The following CCNY variants were observed in gnomAD, a reference collection of about 807,000 sequenced individuals.
CCNY encodes the protein cyclin Y, also known as cyclin-Y.
In CCNY, 19 loss-of-function variants were observed where a neutral mutation model predicts 42.8. That is an observed-to-expected ratio of 0.44 (90% confidence interval 0.31 to 0.65). CCNY has a LOEUF of 0.65. CCNY is among the 30% of genes least tolerant of loss of function. CCNY has a pLI of 0.07. For missense variants in CCNY, 370 were observed against 437.3 expected, an observed-to-expected ratio of 0.85 and a Z score of 1.37; for synonymous variants, 165 against 162.7, an observed-to-expected ratio of 1.01 and a Z score of -0.11.
At chr10:35,448,704 G>C (rs1333238898) in intron 1 of CCNY, among the ~76,000 whole-genome samples, 1 of 152,062 alleles carries the variant, frequency 6.6e-6, no homozygotes, top group African/African-American at 2.4e-5. Flanking sequence ...AGGGGCAGAG[G>C]GAGTGTGGGG....
At chr10:35,413,096 A>G (rs1564401637) in intron 1 of CCNY, among the ~76,000 whole-genome samples, 1 of 152,110 alleles carries the variant, frequency 6.6e-6, no homozygotes, top group Non-Finnish European at 1.5e-5. Flanking sequence ...GAAGGAACCA[A>G]AAAAGGAAGA....
At position 35,495,028 on chromosome 10, in the gene CCNY, A is replaced by T. The variant is rs532782671; in HGVS notation, c.230-6473A>T. ...GGAAATACTCATTGGAGCATTTTGG[A>T]TTTCACATTTTTGGATTTGGGATGC... On this transcript the variant is annotated intron_variant, in intron 2 of 9. Transcript: ENST00000374704. Among the ~76,000 whole-genome samples the T allele has an allele frequency of 2.7e-3, 418 of 152,300 alleles. 3 individuals carry two copies. The highest frequency in any genetic ancestry group is 9.5e-3 in the African/African-American group (395 of 41,548).
At chr10:35,291,048 C>T (rs1835407678) in intron 3 of CCNY, among the ~76,000 whole-genome samples, 1 of 151,734 alleles carries the variant, frequency 6.6e-6, no homozygotes, top group African/African-American at 2.4e-5. Flanking sequence ...TTATATCGCC[C>T]AGGCTGGAGT....
At chr10:35,458,931 A>G (rs913675057) in intron 1 of CCNY, among the ~76,000 whole-genome samples, 9 of 152,132 alleles carry the variant, frequency 5.9e-5, no homozygotes, top group Non-Finnish European at 1.3e-4. Context: ...CAGAAAATGG[A>G]AGGGAGAGTG....
At chr10:35,526,731 T>C (rs966342194) in intron 5 of CCNY, among the ~76,000 whole-genome samples, 1 of 151,784 alleles carries the variant, frequency 6.6e-6, no homozygotes, top group Non-Finnish European at 1.5e-5. Flanking sequence ...CAGATGAGTA[T>C]AAAATTTTTC....
intron 1 of CCNY, among the ~76,000 whole-genome samples, chr10:35,424,642 T>C (rs778976082): frequency 6.6e-6 from 1 of 152,228 alleles, no homozygotes; most frequent in Non-Finnish European, 1.5e-5. Context: ...CAGGGAGGCA[T>C]GTCTGATACT....
chr10:35,446,181 G>T (rs1838786410), intron 1 of CCNY, among the ~76,000 whole-genome samples: 1 of 152,178 alleles, frequency 6.6e-6, no homozygotes, highest in Admixed American at 6.5e-5. Flanking sequence ...ATTGTTTGCT[G>T]ATCAACAGAA....
upstream of CCNY, among the ~76,000 whole-genome samples, chr10:35,333,869 T>G (rs1290629674): frequency 6.6e-6 from 1 of 151,954 alleles, no homozygotes; most frequent in Admixed American, 6.6e-5. Context: ...GAAGTATGCA[T>G]GTAGGGTGGA....
Position 35,569,077 on chromosome 10 carries a change from C to A in CCNY, c.933C>A (p.Asp311Glu). ...KLEAISRLCE[D>E]KYKDLRRSAR... ...AGGCCATCTCTCGCCTCTGCGAGGA[C>A]AAGTACAAGGACCTAAGAAGATCCG... is the stretch of plus-strand genomic sequence containing the variant. The change falls in exon 10 of 10, where the codon GAC (aspartate) becomes GAA (glutamate). Residue 311 changes from aspartate (D) to glutamate (E), a missense_variant. Asp to Glu is a conservative substitution (Grantham distance 45, BLOSUM62 2). This residue lies in a region of CCNY where 234 missense variants were observed against 313.1 expected (regional missense o/e 0.75). Coordinates refer to ENST00000374704, the MANE Select transcript of CCNY (RefSeq NM_145012.6). 6.2e-7 allele frequency: 1 copy of A among 1,612,922 alleles called. No homozygotes were observed. The highest frequency in any genetic ancestry group is 8.5e-7 in the Non-Finnish European group (1 of 1,179,476).
At chr10:35,457,653 T>C (rs1358346404) in intron 1 of CCNY, among the ~76,000 whole-genome samples, 1 of 152,068 alleles carries the variant, frequency 6.6e-6, no homozygotes, top group Non-Finnish European at 1.5e-5. Flanking sequence ...CAGTCTCGGC[T>C]CAATGCAAGC....
chr10:35,375,853 A>C (rs1232706698), intron 1 of CCNY, among the ~76,000 whole-genome samples: 1 of 152,194 alleles, frequency 6.6e-6, no homozygotes, highest in Non-Finnish European at 1.5e-5. Flanking sequence ...GAAGGAGCTC[A>C]GCAGAAGCAA....
intron 1 of CCNY, among the ~76,000 whole-genome samples, chr10:35,357,228 T>C (rs1036411312): frequency 3.0e-5 from 4 of 134,114 alleles, no homozygotes; most frequent in African/African-American, 8.8e-5. Context: ...TCACGCTCAG[T>C]CACTTTACCT....
At chr10:35,515,371 T>C (rs193218631) in intron 3 of CCNY, among the ~76,000 whole-genome samples, 19 of 152,374 alleles carry the variant, frequency 1.2e-4, no homozygotes, top group Admixed American at 9.8e-4. Context: ...TGAGAAGAGA[T>C]TCTGTTTATA....
At chr10:35,379,057 G>A (rs1435817263) in intron 1 of CCNY, among the ~76,000 whole-genome samples, 1 of 152,168 alleles carries the variant, frequency 6.6e-6, no homozygotes. Flanking sequence ...AAATGCTGTT[G>A]CCACTGTACA....
At chr10:35,441,317 GATGA>G (rs1838662372) in intron 1 of CCNY, among the ~76,000 whole-genome samples, 1 of 152,254 alleles carries the variant, frequency 6.6e-6, no homozygotes, top group Non-Finnish European at 1.5e-5. Context: ...ACAGAGACAA[GATGA>G]ATAAGAGCTT....
rs570662251 is a variant in CCNY, at chr10:35,484,861, G to T, written c.229+1383G>T. ...GAAGATGTGCTAACAAGATTCCCAT[G>T]AAATTGCATTAGGCCTCTAAGTGGA... On this transcript the variant is annotated intron_variant, in intron 2 of 9. Transcript: ENST00000374704. Among the ~76,000 whole-genome samples, 3 of 152,336 alleles carry T rather than the reference G, an allele frequency of 2.0e-5. No homozygotes were observed. The East Asian group carries it at 5.8e-4, about 29-fold the overall frequency.
intron 2 of CCNY, among the ~76,000 whole-genome samples, chr10:35,484,869 A>G (rs938305940): frequency 2.0e-5 from 3 of 152,236 alleles, no homozygotes; most frequent in Non-Finnish European, 2.9e-5. Flanking sequence ...ATGAAATTGC[A>G]TTAGGCCTCT....
At chr10:35,539,678 T>C (rs1840958701) in intron 7 of CCNY, among the ~76,000 whole-genome samples, 1 of 152,116 alleles carries the variant, frequency 6.6e-6, no homozygotes, top group African/African-American at 2.4e-5. Flanking sequence ...TCCCAGCTAC[T>C]CGGGAGGCTG....
intron 9 of CCNY, 74 bp from the exon 10 acceptor site, chr10:35,568,980 C>T (rs1207330361): frequency 9.2e-6 from 9 of 975,364 alleles, no homozygotes; most frequent in East Asian, 4.8e-5. Flanking sequence ...GCAGCGCCCT[C>T]GGCGCCCAGG....
Sources: gnomAD v4.1 joint callset for allele counts (sites outside exome capture counted in the v4.1 genomes callset) on GRCh38, gnomAD v4.1.1 for gene constraint, gnomAD v4.1.1 regional missense constraint, MANE v1.5 for transcripts, NCBI Gene and HGNC (gene_info 2026-07-23, HGNC 2026-07-21) for gene names.